The following FRMD4A variants were observed in gnomAD, a reference collection of about 807,000 sequenced individuals.
FRMD4A encodes FERM domain containing 4A.
FRMD4A carries 29 observed loss-of-function variants against 129.1 expected under a neutral mutation model. That is an observed-to-expected ratio of 0.22 (90% confidence interval 0.17 to 0.31). The LOEUF (loss-of-function observed/expected upper bound fraction) is 0.31. FRMD4A is among the 10% of genes least tolerant of loss of function. FRMD4A has a pLI of 1.00. For missense variants in FRMD4A, 1,272 were observed against 1,375.8 expected (o/e 0.92, Z 1.19); for synonymous variants, 634 against 571.6 (o/e 1.11, Z -1.56).
chr10:13,884,482 C>T (rs1365466131), intron 2 of FRMD4A, among the ~76,000 whole-genome samples: 2 of 152,088 alleles, frequency 1.3e-5, no homozygotes, highest in African/African-American at 4.8e-5. Flanking sequence ...TACATCTTTT[C>T]TAGAATTTTC....
intron 12 of FRMD4A, among the ~76,000 whole-genome samples, chr10:13,712,683 GC>G (rs2088145819): frequency 6.6e-6 from 1 of 152,154 alleles, no homozygotes; most frequent in African/African-American, 2.4e-5. Context: ...ACCTAGACTT[GC>G]CGTGACTCCC....
Position 14,103,089 on chromosome 10 carries a change from A to G in FRMD4A, c.45+226969T>C, listed in dbSNP as rs558443810. Among the ~76,000 whole-genome samples the G allele has an allele frequency of 2.6e-5, 4 of 152,298 alleles. No homozygotes were observed. In the South Asian group the frequency reaches 6.2e-4, roughly 24 times the overall value. On this transcript the variant is annotated intron_variant, in intron 2 of 24. Transcript: ENST00000357447. ...TTTGTTCTACGTGGGTGTCGTTCCT[A>G]TCTAATCTCATAACAGAAGCCTCTC... is the stretch of plus-strand genomic sequence containing the variant.
intron 2 of FRMD4A, among the ~76,000 whole-genome samples, chr10:14,101,476 A>G (rs1837298472): frequency 6.6e-6 from 1 of 152,216 alleles, no homozygotes. Flanking sequence ...ACATTCATTT[A>G]TGCTCTATTC....
At position 13,762,498 on chromosome 10, in the gene FRMD4A, G is replaced by C. The variant is rs2092115224; in HGVS notation, c.441+126C>G. 4.7e-6 allele frequency: 3 copies of C among 633,670 alleles called. No individual in the cohort carries two copies. The Admixed American group carries it at 8.6e-5, about 18-fold the overall frequency. The allele number at this position is 633,670 out of a possible 1,614,324, so 39.3% of individuals were successfully genotyped here. ...TGTCTCTAATAGCTCTATGCAGCTT[G>C]TGGCTAAAAAAAGGTAAGACGACAA... On this transcript the variant is annotated intron_variant, in intron 7 of 24. Coordinates refer to ENST00000357447, the MANE Select transcript of FRMD4A (RefSeq NM_018027.5).
At chr10:14,241,643 C>T (rs1456869371) in intron 2 of FRMD4A, among the ~76,000 whole-genome samples, 3 of 127,192 alleles carry the variant, frequency 2.4e-5, no homozygotes, top group African/African-American at 8.9e-5. Flanking sequence ...TTCTAATCCC[C>T]TTCTACAAAG....
chr10:13,738,641 G>A (rs1237754313), intron 11 of FRMD4A, among the ~76,000 whole-genome samples: 1 of 151,028 alleles, frequency 6.6e-6, no homozygotes, highest in Non-Finnish European at 1.5e-5. Context: ...TTTTTTTTGA[G>A]ATGGAGTCTC....
intron 2 of FRMD4A, among the ~76,000 whole-genome samples, chr10:14,272,372 G>T (rs901133594): frequency 6.6e-6 from 1 of 152,132 alleles, no homozygotes; most frequent in Non-Finnish European, 1.5e-5. Context: ...GGGTGCACAC[G>T]GTCATGGGGT....
At chr10:14,192,117 GA>G (rs1842337748) in intron 2 of FRMD4A, among the ~76,000 whole-genome samples, 2 of 152,114 alleles carry the variant, frequency 1.3e-5, no homozygotes, top group South Asian at 4.1e-4. Context: ...TTTTATCCCT[GA>G]AAGTCACCAT....
At chr10:13,923,655 G>T (rs974315269) in intron 2 of FRMD4A, among the ~76,000 whole-genome samples, 2 of 151,616 alleles carry the variant, frequency 1.3e-5, no homozygotes, top group Non-Finnish European at 2.9e-5. Flanking sequence ...CGAGTTCAAG[G>T]TCTGCTAAAA....
chr10:13,892,184 G>A (rs2131167098), intron 2 of FRMD4A, among the ~76,000 whole-genome samples: 1 of 152,134 alleles, frequency 6.6e-6, no homozygotes, highest in African/African-American at 2.4e-5. Context: ...GTCCCCAAGC[G>A]GGGGACCCCT....
chr10:14,306,006 G>A (rs1309309989), intron 2 of FRMD4A, among the ~76,000 whole-genome samples: 2 of 152,146 alleles, frequency 1.3e-5, no homozygotes, highest in Non-Finnish European at 2.9e-5. Flanking sequence ...AGAGCATCAG[G>A]AAGAATAGCT....
chr10:14,066,621 C>A (rs1426547339), intron 2 of FRMD4A, among the ~76,000 whole-genome samples: 1 of 152,074 alleles, frequency 6.6e-6, no homozygotes, highest in Non-Finnish European at 1.5e-5. Flanking sequence ...AGACCTGGAG[C>A]CTACGCCTGT....
intron 8 of FRMD4A, among the ~76,000 whole-genome samples, chr10:13,751,513 A>C (rs1246860713): frequency 6.6e-6 from 1 of 152,242 alleles, no homozygotes; most frequent in African/African-American, 2.4e-5. Context: ...GCTGAAAATC[A>C]GAAAGCTCCC....
chr10:14,076,144 G>A (rs552301688), intron 2 of FRMD4A, among the ~76,000 whole-genome samples: 1 of 152,114 alleles, frequency 6.6e-6, no homozygotes, highest in Non-Finnish European at 1.5e-5. Context: ...CATTTGCCCA[G>A]TGTGTGTCTA....
intron 2 of FRMD4A, among the ~76,000 whole-genome samples, chr10:14,206,820 A>AAAAAAAG (rs1429238276): frequency 3.9e-5 from 5 of 127,490 alleles, no homozygotes; most frequent in African/African-American, 1.1e-4. Context: ...AAAAAAAAAA[A>AAAAAAAG]AGAGAGACAG....
intron 2 of FRMD4A, among the ~76,000 whole-genome samples, chr10:14,046,493 A>G (rs1027399845): frequency 1.3e-5 from 2 of 152,356 alleles, no homozygotes; most frequent in African/African-American, 4.8e-5. Context: ...ACTCATTTCC[A>G]GGTCAACTGA....
chr10:13,844,298 G>A (rs1249850546), intron 3 of FRMD4A, among the ~76,000 whole-genome samples: 1 of 152,172 alleles, frequency 6.6e-6, no homozygotes, highest in African/African-American at 2.4e-5. Flanking sequence ...CCAAAGGTGA[G>A]TGAAAATCGG....
intron 2 of FRMD4A, among the ~76,000 whole-genome samples, chr10:14,303,275 C>T (rs990435503): frequency 1.3e-5 from 2 of 152,176 alleles, no homozygotes; most frequent in African/African-American, 4.8e-5. Context: ...CAAATTTTAA[C>T]GTGCACAGAA....
At position 13,822,773 on chromosome 10, in the gene FRMD4A, A is replaced by G. The variant is rs77938029; in HGVS notation, c.112-11865T>C. ...CAGATACTTGTGTCCCCAGGAAAGG[A>G]TATGTCATGTCCCTATTCCCAAACC... On this transcript the variant is annotated intron_variant, in intron 3 of 24. Coordinates refer to ENST00000357447, the MANE Select transcript of FRMD4A (RefSeq NM_018027.5). 3.7e-3 allele frequency among the ~76,000 whole-genome samples: 560 copies of G among 152,206 alleles called. 6 individuals carry two copies. The highest frequency in any genetic ancestry group is 0.011 in the African/African-American group (445 of 41,530).
Sources: allele counts gnomAD v4.1 joint callset (sites outside exome capture counted in the v4.1 genomes callset), GRCh38; gene constraint gnomAD v4.1.1; transcripts MANE v1.5; gene names NCBI Gene and HGNC (gene_info 2026-07-23, HGNC 2026-07-21).